Variants in CLIC5 observed in about 807,000 individuals in gnomAD.
The protein encoded by CLIC5 is chloride intracellular channel protein 5.
CLIC5 carries 20 observed loss-of-function variants against 24.7 expected under a neutral mutation model. The observed-to-expected ratio is 0.81, with a 90% CI of 0.57 to 1.18. The LOEUF (loss-of-function observed/expected upper bound fraction) is 1.18. Among genes scored for constraint, CLIC5 ranks in the 50% most tolerant of loss-of-function variants. The probability of loss-of-function intolerance (pLI) is 0.00; values close to 1 mark genes in which losing one functional copy is unlikely to be tolerated. For synonymous variants in CLIC5, 159 were observed against 135.6 expected, an observed-to-expected ratio of 1.17 and a Z score of -1.20; for missense variants, 341 against 326.1, an observed-to-expected ratio of 1.05 and a Z score of -0.35.
intron 1 of CLIC5, among the ~76,000 whole-genome samples, chr6:46,027,118 C>G (rs1433487273): frequency 1.3e-5 from 2 of 152,156 alleles, no homozygotes; most frequent in Non-Finnish European, 2.9e-5. Flanking sequence ...GTCTTGCAAT[C>G]CATTGTGGGA....
At chr6:46,084,680 G>A (rs62503448), upstream of CLIC5, among the ~76,000 whole-genome samples, 1 of 152,134 alleles carries the variant, frequency 6.6e-6, no homozygotes, top group Admixed American at 6.5e-5. Flanking sequence ...TGGGTAACCC[G>A]ACCTTTCTCT....
intron 1 of CLIC5, among the ~76,000 whole-genome samples, chr6:45,986,324 C>T (rs1001007432): frequency 6.6e-6 from 1 of 152,176 alleles, no homozygotes; most frequent in Non-Finnish European, 1.5e-5. Flanking sequence ...TTGAATAAAG[C>T]TACCCAGATG....
At chr6:46,029,325 T>G (rs1310481667) in intron 1 of CLIC5, among the ~76,000 whole-genome samples, 3 of 152,150 alleles carry the variant, frequency 2.0e-5, no homozygotes, top group African/African-American at 7.2e-5. Context: ...CATAATAATA[T>G]TTGCATGGGA....
chr6:45,912,036 G>A, intron 5 of CLIC5: 1 of 985,736 alleles, frequency 1.0e-6, no homozygotes, highest in Non-Finnish European at 1.2e-6. Context: ...AAAGCAGCAA[G>A]GGGGTAAGGA....
At chr6:46,006,679 T>C (rs2127438235) in intron 1 of CLIC5, among the ~76,000 whole-genome samples, 2 of 147,808 alleles carry the variant, frequency 1.4e-5, no homozygotes, top group African/African-American at 5.2e-5. Flanking sequence ...TTCTTTTTTT[T>C]CCTTTTTTTT....
chr6:45,940,405 A>C (rs1764088745), intron 4 of CLIC5, among the ~76,000 whole-genome samples: 2 of 152,190 alleles, frequency 1.3e-5, no homozygotes, highest in South Asian at 4.1e-4. Flanking sequence ...CAAGTTTTGC[A>C]CTTGTCACAA....
chr6:46,116,946 G>T, the CLIC5 span, among the ~76,000 whole-genome samples: 5 of 152,144 alleles, frequency 3.3e-5, no homozygotes, highest in African/African-American at 1.2e-4. Context: ...GATATAAAGG[G>T]CATGCTTATT....
intron 1 of CLIC5, among the ~76,000 whole-genome samples, chr6:45,977,730 T>G (rs918819356): frequency 6.6e-6 from 1 of 152,188 alleles, no homozygotes; most frequent in Non-Finnish European, 1.5e-5. Context: ...GTCATTTCTC[T>G]CTTTTGGACA....
chr6:45,985,447 G>A (rs1765701652), intron 1 of CLIC5, among the ~76,000 whole-genome samples: 1 of 152,128 alleles, frequency 6.6e-6, no homozygotes, highest in African/African-American at 2.4e-5. Context: ...GTAAAAAGCA[G>A]GCTCATCCCC....
downstream of CLIC5, among the ~76,000 whole-genome samples, chr6:45,895,274 C>T (rs1762383726): frequency 6.6e-6 from 1 of 152,170 alleles, no homozygotes; most frequent in African/African-American, 2.4e-5. Flanking sequence ...AGCTTCTAAC[C>T]TGTTTCTAAA....
intron 1 of CLIC5, among the ~76,000 whole-genome samples, chr6:45,976,119 C>T (rs148727016): frequency 6.6e-6 from 1 of 152,164 alleles, no homozygotes; most frequent in African/African-American, 2.4e-5. Flanking sequence ...CATAGAAGGG[C>T]TCTGATCAGT....
At chr6:46,059,245 C>T (rs920653183) in intron 1 of CLIC5, among the ~76,000 whole-genome samples, 2 of 152,238 alleles carry the variant, frequency 1.3e-5, no homozygotes, top group Non-Finnish European at 2.9e-5. Flanking sequence ...GAGAGATAAT[C>T]ACACAAGGGT....
chr6:46,039,054 A>G (rs1767737204), intron 1 of CLIC5, among the ~76,000 whole-genome samples: 1 of 152,212 alleles, frequency 6.6e-6, no homozygotes, highest in African/African-American at 2.4e-5. Context: ...GGAATAAAAG[A>G]ATACTATTTA....
At chr6:45,945,719 T>C (rs1764269092) in intron 3 of CLIC5, among the ~76,000 whole-genome samples, 3 of 152,166 alleles carry the variant, frequency 2.0e-5, no homozygotes, top group African/African-American at 7.2e-5. Context: ...CCAGCTACCA[T>C]GCCATCCTGT....
the CLIC5 span, among the ~76,000 whole-genome samples, chr6:46,117,835 C>T: frequency 6.6e-6 from 1 of 152,034 alleles, no homozygotes; most frequent in Non-Finnish European, 1.5e-5. Context: ...TTTAATGTCT[C>T]TGAAATCAGA....
the CLIC5 span, among the ~76,000 whole-genome samples, chr6:46,086,067 C>T: frequency 2.0e-5 from 3 of 152,244 alleles, no homozygotes; most frequent in African/African-American, 7.2e-5. Context: ...GATATAACCT[C>T]CTGGTGCGCC....
chr6:45,990,995 T>C (rs987179733), intron 1 of CLIC5, among the ~76,000 whole-genome samples: 3 of 152,232 alleles, frequency 2.0e-5, no homozygotes, highest in Non-Finnish European at 2.9e-5. Context: ...ATGAAGCATC[T>C]GGCTACTGTT....
intron 1 of CLIC5, among the ~76,000 whole-genome samples, chr6:46,068,742 C>T (rs1308592298): frequency 1.3e-5 from 2 of 152,022 alleles, no homozygotes; most frequent in Non-Finnish European, 2.9e-5. Context: ...AAGATTAGGA[C>T]ACAAACATGC....
chr6:46,015,495 G>A lies in CLIC5; in HGVS notation c.48C>T (p.Ile16=). The A allele has an allele frequency of 6.4e-7, 1 of 1,559,796 alleles. No individual in the cohort carries two copies. The highest frequency in any genetic ancestry group is 8.7e-7 in the Non-Finnish European group (1 of 1,153,610). The change falls in exon 1 of 6, where the codon ATC becomes ATT. Residue 16 remains isoleucine (I), a synonymous_variant. Coordinates refer to ENST00000339561, the MANE Select transcript of CLIC5 (RefSeq NM_016929.5). ...CCCGACCTACCTTCACAAAGAGCTC[G>A]ATCTCGGGGTCCCTGTCGTCCCCGT... ...TANGDDRDPE[I]ELFVKAGIDG...
Sources: allele counts gnomAD v4.1 joint callset (sites outside exome capture counted in the v4.1 genomes callset), GRCh38; gene constraint gnomAD v4.1.1; transcripts MANE v1.5; gene names NCBI Gene and HGNC (gene_info 2026-07-23, HGNC 2026-07-21).